C10orf90: variants seen among roughly 807,000 people sequenced by gnomAD.
C10orf90 encodes the protein (E2-independent) E3 ubiquitin-conjugating enzyme FATS.
Under a neutral mutation model 62.5 loss-of-function variants are expected in C10orf90, and 56 were observed. The ratio of observed to expected loss-of-function variants is 0.90; its 90% CI spans 0.72 to 1.12. The LOEUF (loss-of-function observed/expected upper bound fraction) is 1.12, where lower values mean the gene tolerates loss of function less well. Among genes scored for constraint, C10orf90 ranks in the 50% most tolerant of loss-of-function variants. The pLI is 0.00. For synonymous variants in C10orf90, 386 were observed against 340.4 expected (o/e 1.13, Z -1.47); for missense variants, 970 against 880.4 (o/e 1.10, Z -1.29).
chr10:126,563,716 C>G (rs1288630872), intron 2 of C10orf90, among the ~76,000 whole-genome samples: 5 of 152,182 alleles, frequency 3.3e-5, no homozygotes, highest in Non-Finnish European at 7.3e-5. Flanking sequence ...TATCCTGCCT[C>G]CAGCGTTTGC....
chr10:126,585,484 GAGA>G (rs1276493169), intron 2 of C10orf90, among the ~76,000 whole-genome samples: 64 of 150,238 alleles, frequency 4.3e-4, no homozygotes, highest in South Asian at 8.5e-4. Context: ...GAGGGGGAAG[GAGA>G]AAAGGAGGAA....
At chr10:126,626,983 CT>C (rs201364432) in intron 2 of C10orf90, among the ~76,000 whole-genome samples, 7,439 of 137,402 alleles carry the variant, frequency 0.054, 215 homozygotes, top group Middle Eastern at 0.11. Flanking sequence ...TTAGATTTTT[CT>C]TTTTCTTTTT....
chr10:126,592,483 T>A (rs976513642), intron 2 of C10orf90, among the ~76,000 whole-genome samples: 11 of 152,168 alleles, frequency 7.2e-5, no homozygotes, highest in Non-Finnish European at 7.4e-5. Flanking sequence ...GAGAACTGGC[T>A]AGGCATGTGC....
chr10:126,448,905 TA>T (rs1032079044), intron 7 of C10orf90, among the ~76,000 whole-genome samples: 1 of 152,182 alleles, frequency 6.6e-6, no homozygotes, highest in African/African-American at 2.4e-5. Context: ...ATCTTCTTTT[TA>T]AAAGAAAAGC....
intron 2 of C10orf90, among the ~76,000 whole-genome samples, chr10:126,586,458 G>T (rs1844872465): frequency 6.6e-6 from 1 of 152,194 alleles, no homozygotes; most frequent in South Asian, 2.1e-4. Context: ...TAAACGGGGC[G>T]CTCTTTCGTG....
chr10:126,494,339 AC>A (rs1861923156), intron 4 of C10orf90, among the ~76,000 whole-genome samples: 1 of 152,096 alleles, frequency 6.6e-6, no homozygotes, highest in Admixed American at 6.6e-5. Flanking sequence ...AGGTTTGCAC[AC>A]CAAATATCAC....
chr10:126,527,097 G>A (rs532752733), intron 2 of C10orf90, among the ~76,000 whole-genome samples: 61 of 51,272 alleles, frequency 1.2e-3, no homozygotes, highest in African/African-American at 4.0e-3. Context: ...TTGCCGTGTC[G>A]TATGATCACA....
At chr10:126,577,773 A>C (rs893434879) in intron 2 of C10orf90, among the ~76,000 whole-genome samples, 1 of 152,168 alleles carries the variant, frequency 6.6e-6, no homozygotes, top group African/African-American at 2.4e-5. Flanking sequence ...AAATTAAGAC[A>C]GTGTAATACT....
At chr10:126,559,730 C>A (rs377094759) in intron 2 of C10orf90, among the ~76,000 whole-genome samples, 20 of 152,296 alleles carry the variant, frequency 1.3e-4, no homozygotes, top group East Asian at 7.7e-4. Context: ...AACCAAGAAA[C>A]CTCACCTTGT....
chr10:126,479,381 A>G (rs2133797357), intron 4 of C10orf90, among the ~76,000 whole-genome samples: 1 of 152,304 alleles, frequency 6.6e-6, no homozygotes, highest in South Asian at 2.1e-4. Context: ...GGGGAAGAAA[A>G]TCCAGTAAGA....
intron 4 of C10orf90, among the ~76,000 whole-genome samples, chr10:126,478,595 C>G (rs1295713385): frequency 6.6e-6 from 1 of 152,188 alleles, no homozygotes; most frequent in Non-Finnish European, 1.5e-5. Context: ...CTCTCACCCC[C>G]GTGCTCAAAG....
intron 2 of C10orf90, among the ~76,000 whole-genome samples, chr10:126,530,634 C>T (rs370911832): frequency 2.0e-5 from 3 of 151,784 alleles, no homozygotes; most frequent in African/African-American, 7.2e-5. Context: ...TCACTGGAGA[C>T]AAGAAAATGA....
At chr10:126,436,900 G>A (rs1001794520) in intron 7 of C10orf90, among the ~76,000 whole-genome samples, 7 of 152,134 alleles carry the variant, frequency 4.6e-5, no homozygotes, top group East Asian at 1.9e-4. Context: ...CTGGCCTCAA[G>A]CTGTCCTCCC....
chr10:126,426,113 T>C, intron 8 of C10orf90, 23 bp from the exon 9 acceptor site: 1 of 1,592,106 alleles, frequency 6.3e-7, no homozygotes, highest in African/African-American at 1.3e-5. Context: ...CGGAAAACAT[T>C]TGGAATGGTA....
chr10:126,523,727 T>C (rs1863848864), intron 2 of C10orf90, among the ~76,000 whole-genome samples: 1 of 151,604 alleles, frequency 6.6e-6, no homozygotes, highest in African/African-American at 2.4e-5. Flanking sequence ...AAACACTAAC[T>C]CCCCCTTCCC....
chr10:126,468,966 T>G (rs1860431117), intron 4 of C10orf90, among the ~76,000 whole-genome samples: 1 of 152,224 alleles, frequency 6.6e-6, no homozygotes, highest in Non-Finnish European at 1.5e-5. Context: ...ATCTTCGATG[T>G]TCTTATATGA....
At chr10:126,488,226 T>C (rs1861541803) in intron 4 of C10orf90, among the ~76,000 whole-genome samples, 1 of 152,116 alleles carries the variant, frequency 6.6e-6, no homozygotes, top group Admixed American at 6.5e-5. Flanking sequence ...AGCAAAGTTT[T>C]GCAAAAATGT....
intron 2 of C10orf90, among the ~76,000 whole-genome samples, chr10:126,534,649 A>G (rs1385491449): frequency 1.3e-5 from 2 of 152,178 alleles, no homozygotes; most frequent in African/African-American, 4.8e-5. Context: ...GGAAGAGAAG[A>G]TGATATCACC....
At chr10:126,515,877 C>T (rs1283172875) in intron 2 of C10orf90, among the ~76,000 whole-genome samples, 1 of 152,176 alleles carries the variant, frequency 6.6e-6, no homozygotes, top group East Asian at 1.9e-4. Flanking sequence ...GCCCTGCCTC[C>T]ATCTATGACT....
Sources: gnomAD v4.1 joint callset for allele counts (sites outside exome capture counted in the v4.1 genomes callset) on GRCh38, gnomAD v4.1.1 for gene constraint, MANE v1.5 for transcripts, NCBI Gene and HGNC (gene_info 2026-07-23, HGNC 2026-07-21) for gene names.